The following FAM222B variants were observed in gnomAD, a reference collection of about 807,000 sequenced individuals.
The protein encoded by FAM222B is family with sequence similarity 222 member B.
A neutral mutation model predicts 38.0 loss-of-function variants in FAM222B; 12 were observed. That is an observed-to-expected ratio of 0.32 (90% CI 0.20 to 0.51). The LOEUF (loss-of-function observed/expected upper bound fraction) is 0.51. FAM222B is among the 20% of genes least tolerant of loss of function. FAM222B has a pLI of 0.97. For synonymous variants in FAM222B, 329 were observed against 317.2 expected (o/e 1.04, Z -0.40); for missense variants, 716 against 754.2 (o/e 0.95, Z 0.59).
intron 1 of FAM222B, among the ~76,000 whole-genome samples, chr17:28,819,059 T>A (rs2038127465): frequency 6.6e-6 from 1 of 152,138 alleles, no homozygotes. Flanking sequence ...AAAAAGCAAA[T>A]TATAACCAAC....
At chr17:28,841,810 C>T (rs1488653325) in intron 1 of FAM222B, among the ~76,000 whole-genome samples, 1 of 152,140 alleles carries the variant, frequency 6.6e-6, no homozygotes, top group Non-Finnish European at 1.5e-5. Flanking sequence ...GTAAAAACGC[C>T]GGAGTACGGT....
At chr17:28,768,854 A>G (rs1205207458) in intron 1 of FAM222B, among the ~76,000 whole-genome samples, 1 of 151,438 alleles carries the variant, frequency 6.6e-6, no homozygotes, top group Non-Finnish European at 1.5e-5. Context: ...AAAAAAAAAA[A>G]AAAAAAGAGA....
At chr17:28,819,392 T>TA (rs1397525338) in intron 1 of FAM222B, among the ~76,000 whole-genome samples, 1 of 152,052 alleles carries the variant, frequency 6.6e-6, no homozygotes, top group African/African-American at 2.4e-5. Context: ...AAGAAATACA[T>TA]AAAGTCAAAA....
chr17:28,769,948 G>A (rs1045215601), intron 1 of FAM222B, among the ~76,000 whole-genome samples: 3 of 152,134 alleles, frequency 2.0e-5, no homozygotes, highest in African/African-American at 7.2e-5. Context: ...CTTAAGGGGA[G>A]GGCTTCTTTG....
At chr17:28,762,667 G>C (rs1351595838) in intron 2 of FAM222B, among the ~76,000 whole-genome samples, 1 of 133,324 alleles carries the variant, frequency 7.5e-6, no homozygotes, top group South Asian at 2.4e-4. Flanking sequence ...AGCTGGGCAT[G>C]GTGGCTCACG....
At chr17:28,809,457 C>G (rs878938817) in intron 1 of FAM222B, among the ~76,000 whole-genome samples, 3 of 152,136 alleles carry the variant, frequency 2.0e-5, no homozygotes, top group Admixed American at 2.0e-4. Context: ...TCAACCAGCA[C>G]TATGCCCCCT....
At chr17:28,805,716 G>A (rs2037464207) in intron 1 of FAM222B, among the ~76,000 whole-genome samples, 1 of 151,942 alleles carries the variant, frequency 6.6e-6, no homozygotes, top group Non-Finnish European at 1.5e-5. Flanking sequence ...AAAACTAAGT[G>A]TAATACAGGT....
intron 1 of FAM222B, among the ~76,000 whole-genome samples, chr17:28,841,586 G>A (rs1294036067): frequency 6.6e-6 from 1 of 152,056 alleles, no homozygotes; most frequent in Non-Finnish European, 1.5e-5. Context: ...ACGTTGGCTA[G>A]GCTGGTCTCC....
chr17:28,773,615 A>G (rs1215020627), intron 1 of FAM222B, among the ~76,000 whole-genome samples: 1 of 151,466 alleles, frequency 6.6e-6, no homozygotes, highest in Admixed American at 6.6e-5. Context: ...CCTGGCCAAC[A>G]TGGCAAAACC....
intron 1 of FAM222B, among the ~76,000 whole-genome samples, chr17:28,826,446 C>CG (rs1598029061): frequency 6.6e-6 from 1 of 151,580 alleles, no homozygotes; most frequent in Non-Finnish European, 1.5e-5. Flanking sequence ...TTTGGGAGGC[C>CG]GAGGCCAGTG....
intron 1 of FAM222B, among the ~76,000 whole-genome samples, chr17:28,792,780 CAAA>C (rs71135854): frequency 7.3e-5 from 9 of 122,840 alleles, no homozygotes; most frequent in African/African-American, 1.0e-4. Flanking sequence ...GGCCCTATTT[CAAA>C]AAAAAAAAAA....
intron 1 of FAM222B, among the ~76,000 whole-genome samples, chr17:28,820,950 CTTT>C (rs1456864304): frequency 6.9e-6 from 1 of 144,306 alleles, no homozygotes. Flanking sequence ...TGGTAAAACT[CTTT>C]TTATTTTATT....
intron 1 of FAM222B, among the ~76,000 whole-genome samples, chr17:28,776,667 G>A (rs1417560994): frequency 6.6e-6 from 1 of 151,580 alleles, no homozygotes; most frequent in Non-Finnish European, 1.5e-5. Context: ...TGTTGCCCAG[G>A]CTGCTGCTGA....
At chr17:28,814,137 G>A (rs1163963241) in intron 1 of FAM222B, among the ~76,000 whole-genome samples, 1 of 150,578 alleles carries the variant, frequency 6.6e-6, no homozygotes, top group Non-Finnish European at 1.5e-5. Context: ...CAGAGACCGT[G>A]CCACTGCACT....
upstream of FAM222B, among the ~76,000 whole-genome samples, chr17:28,843,009 C>T (rs1346393727): frequency 6.6e-6 from 1 of 152,186 alleles, no homozygotes; most frequent in Non-Finnish European, 1.5e-5. Context: ...GCCTAGGTTA[C>T]TAAACCCTTG....
At chr17:28,764,143 A>G (rs2035215432) in intron 2 of FAM222B, among the ~76,000 whole-genome samples, 1 of 152,082 alleles carries the variant, frequency 6.6e-6, no homozygotes, top group Admixed American at 6.6e-5. Context: ...CCAGTGGCGC[A>G]TGCCTGTAAT....
Position 28,779,547 on chromosome 17 carries a change from C to T in FAM222B, c.-40-12840G>A, listed in dbSNP as rs1173370561. On this transcript the variant is annotated intron_variant, in intron 1 of 2. Coordinates refer to ENST00000581407, the MANE Select transcript of FAM222B (RefSeq NM_001077498.3). ...CGGGCGGATCATGAGATCAGGAGATCGTGACCATCCTGGCTAACACGGTGA... is the reference window on the plus strand; with the variant it reads ...CGGGCGGATCATGAGATCAGGAGATTGTGACCATCCTGGCTAACACGGTGA... Among the ~76,000 whole-genome samples, 6 of 151,886 alleles carry T rather than the reference C, an allele frequency of 4.0e-5. 1 individual carries two copies. The highest frequency in any genetic ancestry group is 2.6e-4 in the Admixed American group (4 of 15,222).
At chr17:28,801,626 G>GTTC (rs1022934617) in intron 1 of FAM222B, among the ~76,000 whole-genome samples, 13 of 151,904 alleles carry the variant, frequency 8.6e-5, no homozygotes, top group African/African-American at 2.4e-4. Flanking sequence ...TATTATTGTT[G>GTTC]TTCTTCTTCT....
intron 2 of FAM222B, 82 bp downstream of exon 2, chr17:28,766,504 C>T: frequency 8.7e-7 from 1 of 1,149,786 alleles, no homozygotes; most frequent in Non-Finnish European, 1.3e-6. Flanking sequence ...GTCAGTGTAC[C>T]CCAGATGTGC....
Sources: allele counts gnomAD v4.1 joint callset (sites outside exome capture counted in the v4.1 genomes callset), GRCh38; gene constraint gnomAD v4.1.1; transcripts MANE v1.5; gene names NCBI Gene and HGNC (gene_info 2026-07-23, HGNC 2026-07-21).